The following GRID1 variants were observed in gnomAD, a reference collection of about 807,000 sequenced individuals.
GRID1 encodes the protein glutamate receptor ionotropic, delta-1.
GRID1 carries 28 observed loss-of-function variants against 98.0 expected under a neutral mutation model. That is an observed-to-expected ratio of 0.29 (90% CI 0.21 to 0.39). The LOEUF is 0.39. Ranked by LOEUF, GRID1 falls within the 10% of genes least tolerant of loss-of-function variation. GRID1 has a pLI of 1.00. For synonymous variants in GRID1, 553 were observed against 538.5 expected (o/e 1.03, Z -0.37); for missense variants, 1,111 against 1,340.5 (o/e 0.83, Z 2.67).
intron 2 of GRID1, among the ~76,000 whole-genome samples, chr10:86,340,458 A>T (rs890496376): frequency 6.6e-6 from 1 of 152,292 alleles, no homozygotes; most frequent in South Asian, 2.1e-4. Flanking sequence ...TGCAGGGCAC[A>T]GAGGGAGAGA....
chr10:85,695,783 A>G (rs916456506), intron 12 of GRID1, among the ~76,000 whole-genome samples: 5 of 152,176 alleles, frequency 3.3e-5, no homozygotes, highest in African/African-American at 1.2e-4. Flanking sequence ...AACAAACAAA[A>G]AAAACAAGCC....
intron 4 of GRID1, among the ~76,000 whole-genome samples, chr10:85,997,075 A>G (rs1162990900): frequency 1.3e-5 from 2 of 152,188 alleles, no homozygotes; most frequent in African/African-American, 4.8e-5. Flanking sequence ...TCTCCTTTTG[A>G]GTTCTCTAAA....
chr10:85,998,578 TAA>T (rs1254140709), intron 4 of GRID1, among the ~76,000 whole-genome samples: 2 of 152,058 alleles, frequency 1.3e-5, no homozygotes, highest in Non-Finnish European at 2.9e-5. Context: ...GCTTTTATCT[TAA>T]GAGACTATAA....
chr10:86,237,955 T>C (rs1046670872), intron 2 of GRID1, among the ~76,000 whole-genome samples: 2 of 152,178 alleles, frequency 1.3e-5, no homozygotes, highest in Admixed American at 6.5e-5. Flanking sequence ...GCGGCATTAG[T>C]ATAAAGATAC....
chr10:86,243,560 A>G (rs1010734811), intron 2 of GRID1, among the ~76,000 whole-genome samples: 1 of 152,224 alleles, frequency 6.6e-6, no homozygotes, highest in African/African-American at 2.4e-5. Flanking sequence ...AGAACAAAAA[A>G]CAATAATGAA....
intron 8 of GRID1, among the ~76,000 whole-genome samples, chr10:85,745,564 G>A (rs1486005490): frequency 7.9e-6 from 1 of 126,930 alleles, no homozygotes; most frequent in Non-Finnish European, 1.7e-5. Flanking sequence ...ACACTCTGGG[G>A]ACGGTGGTGG....
chr10:85,668,481 C>T (rs572901493), intron 12 of GRID1, among the ~76,000 whole-genome samples: 1 of 152,272 alleles, frequency 6.6e-6, no homozygotes, highest in Non-Finnish European at 1.5e-5. Flanking sequence ...CAAGAGAAGC[C>T]ACTTCTGAGA....
intron 5 of GRID1, among the ~76,000 whole-genome samples, chr10:85,873,515 T>C (rs1843299063): frequency 6.6e-6 from 1 of 152,206 alleles, no homozygotes; most frequent in African/African-American, 2.4e-5. Flanking sequence ...ACATTAAATA[T>C]GAATAATAAA....
intron 2 of GRID1, among the ~76,000 whole-genome samples, chr10:86,276,596 G>A (rs112699941): frequency 0.011 from 1,589 of 151,264 alleles, 32 homozygotes; most frequent in African/African-American, 0.037. Context: ...TCTGCCTCTT[G>A]GGTTCAAGCG....
intron 8 of GRID1, among the ~76,000 whole-genome samples, chr10:85,850,279 G>A (rs1320945282): frequency 1.3e-5 from 2 of 152,188 alleles, no homozygotes; most frequent in Non-Finnish European, 2.9e-5. Flanking sequence ...ATGGAGAAAT[G>A]TTTCCTCTGG....
chr10:85,766,824 T>C (rs1018033715), intron 8 of GRID1, among the ~76,000 whole-genome samples: 3 of 151,986 alleles, frequency 2.0e-5, no homozygotes, highest in South Asian at 2.1e-4. Context: ...TATTTTATTA[T>C]AATTTTTTCT....
At chr10:85,839,948 AAAC>A (rs1842946893) in intron 8 of GRID1, among the ~76,000 whole-genome samples, 1 of 152,214 alleles carries the variant, frequency 6.6e-6, no homozygotes, top group Non-Finnish European at 1.5e-5. Context: ...ACAGAAATAC[AAAC>A]AACCATCAGA....
chr10:86,209,594 G>T (rs1041782148), intron 2 of GRID1, among the ~76,000 whole-genome samples: 2 of 152,132 alleles, frequency 1.3e-5, no homozygotes, highest in Non-Finnish European at 2.9e-5. Flanking sequence ...AAAAGCTAAG[G>T]CACTATGACA....
At chr10:86,142,206 C>A (rs1845020763) in intron 3 of GRID1, among the ~76,000 whole-genome samples, 1 of 152,218 alleles carries the variant, frequency 6.6e-6, no homozygotes, top group Non-Finnish European at 1.5e-5. Context: ...GAGCCCAGAG[C>A]AGAACTGCCC....
At chr10:85,705,956 G>C (rs1380470560) in intron 12 of GRID1, among the ~76,000 whole-genome samples, 1 of 152,070 alleles carries the variant, frequency 6.6e-6, no homozygotes, top group African/African-American at 2.4e-5. Context: ...TTGATGGGAC[G>C]TATCTCAAAA....
intron 7 of GRID1, 40 bp downstream of exon 7, chr10:85,855,989 C>T (rs1160092252): frequency 1.3e-5 from 20 of 1,593,810 alleles, no homozygotes; most frequent in Non-Finnish European, 1.7e-5. Context: ...TAAGAAGGGG[C>T]CTGTCTTTGG....
chr10:86,234,846 G>A (rs1035999176), intron 2 of GRID1, among the ~76,000 whole-genome samples: 5 of 152,102 alleles, frequency 3.3e-5, no homozygotes, highest in Admixed American at 2.6e-4. Context: ...GGGAGCCACC[G>A]GCTTCCTTAA....
At chr10:86,232,159 C>A (rs2607839) in intron 2 of GRID1, among the ~76,000 whole-genome samples, 112,482 of 152,024 alleles carry the variant, frequency 0.74, 41,825 homozygotes, top group East Asian at 0.81. Flanking sequence ...ATGAGAATAG[C>A]GCATCCCAAT....
chr10:85,834,579 A>G (rs1842896502), intron 8 of GRID1, among the ~76,000 whole-genome samples: 1 of 152,200 alleles, frequency 6.6e-6, no homozygotes, highest in Non-Finnish European at 1.5e-5. Context: ...TTATTTGATA[A>G]TTGAAACAGA....
Sources: gnomAD v4.1 joint callset for allele counts (sites outside exome capture counted in the v4.1 genomes callset) on GRCh38, gnomAD v4.1.1 for gene constraint, MANE v1.5 for transcripts, NCBI Gene and HGNC (gene_info 2026-07-23, HGNC 2026-07-21) for gene names.